The following EGFLAM variants were observed in gnomAD, a reference collection of about 807,000 sequenced individuals.
EGFLAM encodes the protein EGF like, fibronectin type III and laminin G domains, also known as pikachurin.
A neutral mutation model predicts 113.1 loss-of-function variants in EGFLAM; 79 were observed. The observed-to-expected ratio is 0.70, with a 90% confidence interval of 0.58 to 0.84. The LOEUF (loss-of-function observed/expected upper bound fraction) is 0.84. Ranked by LOEUF, EGFLAM falls within the 40% of genes least tolerant of loss-of-function variation. The pLI, the probability that EGFLAM is intolerant of heterozygous loss-of-function variation, is 0.00. For missense variants in EGFLAM, 1,265 were observed against 1,291.6 expected, an observed-to-expected ratio of 0.98 and a Z score of 0.32; for synonymous variants, 504 against 487.6, an observed-to-expected ratio of 1.03 and a Z score of -0.44.
At chr5:38,368,571 C>G (rs1740125917) in intron 5 of EGFLAM, among the ~76,000 whole-genome samples, 1 of 152,178 alleles carries the variant, frequency 6.6e-6, no homozygotes, top group African/African-American at 2.4e-5. Context: ...ATTTCCTTGC[C>G]TGGTAAGTTG....
intron 6 of EGFLAM, among the ~76,000 whole-genome samples, chr5:38,396,529 T>TACTC (rs1471576064): frequency 1.3e-5 from 2 of 152,258 alleles, no homozygotes; most frequent in Admixed American, 1.3e-4. Flanking sequence ...CTCACTCATT[T>TACTC]ACTCACTCAC....
At chr5:38,280,520 T>G (rs890863908) in intron 1 of EGFLAM, among the ~76,000 whole-genome samples, 1 of 152,146 alleles carries the variant, frequency 6.6e-6, no homozygotes, top group Admixed American at 6.5e-5. Context: ...CCTCTCTCCT[T>G]TAGTACAGCT....
chr5:38,355,035 T>C (rs1739730555), intron 5 of EGFLAM, among the ~76,000 whole-genome samples: 1 of 152,092 alleles, frequency 6.6e-6, no homozygotes, highest in Admixed American at 6.6e-5. Context: ...CCTCTCATAG[T>C]GTGGGGTCCC....
At chr5:38,260,235 ATCACGATCAATTGCATT>A (rs1757465705) in intron 1 of EGFLAM, among the ~76,000 whole-genome samples, 1 of 152,230 alleles carries the variant, frequency 6.6e-6, no homozygotes, top group African/African-American at 2.4e-5. Context: ...AGATAACCAC[ATCACGATCAATTGCATT>A]TTGCAGATTT....
intron 3 of EGFLAM, chr5:38,345,943 T>C (rs1441501002): frequency 6.6e-6 from 1 of 152,198 alleles, no homozygotes. Context: ...AGAGGAGAGA[T>C]GTCAGGGGAG....
At position 38,406,931 on chromosome 5, in the gene EGFLAM, C is replaced by T; in HGVS notation, c.932C>T (p.Pro311Leu). The T allele has an allele frequency of 6.2e-7, 1 of 1,614,212 alleles. No homozygotes were observed. Among genetic ancestry groups the T allele is most frequent in the South Asian group, 1.1e-5 (1 of 91,090 alleles). ...AAGACCATTTCTAGGCTCATCCCCC[C>T]TACCTCAGCATCTCTCCCTGTGACC... is the stretch of plus-strand genomic sequence containing the variant. ...NPKTISRLIPPTSASLPVTTV... is the reference protein window; with the variant it reads ...NPKTISRLIPLTSASLPVTTV... Residue 311 changes from proline (P) to leucine (L), a missense_variant, in exon 8 of 22, where the codon CCT becomes CTT. Transcript: ENST00000322350.
At chr5:38,308,049 T>C (rs1758772795) in intron 1 of EGFLAM, among the ~76,000 whole-genome samples, 1 of 152,250 alleles carries the variant, frequency 6.6e-6, no homozygotes. Context: ...TGGGAAAGAA[T>C]AGTTTCCCAG....
At chr5:38,348,082 T>C (rs1377906925) in intron 3 of EGFLAM, among the ~76,000 whole-genome samples, 1 of 151,644 alleles carries the variant, frequency 6.6e-6, no homozygotes, top group African/African-American at 2.4e-5. Context: ...AGGCAAGCAG[T>C]GAAGCTATGT....
chr5:38,400,668 T>C (rs190273006), intron 6 of EGFLAM, among the ~76,000 whole-genome samples: 2 of 152,316 alleles, frequency 1.3e-5, no homozygotes, highest in Non-Finnish European at 2.9e-5. Flanking sequence ...GTTCTCTCTG[T>C]GCTCATTTCC....
At position 38,258,693 on chromosome 5, in the gene EGFLAM, C is replaced by G; in HGVS notation, c.-62C>G. 1.9e-6 allele frequency: 3 copies of G among 1,547,536 alleles called. No individual in the cohort carries two copies. Among genetic ancestry groups the G allele is most frequent in the South Asian group, 1.2e-5 (1 of 85,244 alleles). ...TGGGGCCGCGTCCCCCACGCGCCCC[C>G]GGAGACGCCCTTTCCGTGTGCGCCC... On this transcript the variant is annotated 5_prime_UTR_variant, in exon 1 of 22. Coordinates refer to ENST00000322350, the MANE Select transcript of EGFLAM (RefSeq NM_152403.4).
Position 38,310,607 on chromosome 5 carries a change from T to C in EGFLAM, c.98-26913T>C, listed in dbSNP as rs367795855. Among the ~76,000 whole-genome samples, 223 of 152,242 alleles carry C rather than the reference T, an allele frequency of 1.5e-3. 5 individuals are homozygous for C. In the South Asian group the frequency reaches 0.044, roughly 30 times the overall value. On this transcript the variant is annotated intron_variant, in intron 1 of 21. Coordinates refer to ENST00000322350, the MANE Select transcript of EGFLAM (RefSeq NM_152403.4). ...GAATCTCTCTGATTGAGTGTTATGATTTAACTCCCAAAAAGAAAAAAAAAA... is the reference window on the plus strand; with the variant it reads ...GAATCTCTCTGATTGAGTGTTATGACTTAACTCCCAAAAAGAAAAAAAAAA...
intron 12 of EGFLAM, among the ~76,000 whole-genome samples, chr5:38,420,256 A>G (rs1010898865): frequency 6.6e-6 from 1 of 152,230 alleles, no homozygotes; most frequent in African/African-American, 2.4e-5. Context: ...TATAACTATA[A>G]AAGATGAAGT....
intron 6 of EGFLAM, 129 bp downstream of exon 6, chr5:38,370,591 T>C: frequency 1.6e-6 from 2 of 1,232,452 alleles, no homozygotes; most frequent in East Asian, 2.6e-5. Flanking sequence ...GCTTTCCTCC[T>C]GTGGTTTTCC....
At chr5:38,444,920 G>A (rs955739203) in intron 17 of EGFLAM, among the ~76,000 whole-genome samples, 10 of 152,156 alleles carry the variant, frequency 6.6e-5, no homozygotes, top group Non-Finnish European at 1.3e-4. Context: ...ACTCCAGCCT[G>A]GGCAACAGAG....
intron 6 of EGFLAM, chr5:38,402,187 G>A (rs1372021001): frequency 6.6e-6 from 1 of 152,164 alleles, no homozygotes; most frequent in East Asian, 1.9e-4. Context: ...ACAACTGGCA[G>A]GCCAGTTTGG....
intron 3 of EGFLAM, among the ~76,000 whole-genome samples, chr5:38,344,513 C>G (rs1009262556): frequency 6.7e-6 from 1 of 149,960 alleles, no homozygotes; most frequent in African/African-American, 2.5e-5. Flanking sequence ...AGAGTCTCAT[C>G]TTTTCTTGGG....
chr5:38,418,194 T>C lies in EGFLAM; in HGVS notation c.1623T>C (p.Asn541=). The change falls in exon 12 of 22, where the codon AAT becomes AAC. Residue 541 remains asparagine, a synonymous_variant. Transcript: ENST00000322350. ...FQGCVQSLAV[N]GRRIDMRPWP... ...GCTGTGTGCAGTCGCTCGCTGTGAA[T>C]GGGAGGAGAATTGACATGAGGCCCT... is the stretch of plus-strand genomic sequence containing the variant. The C allele has an allele frequency of 1.2e-6, 2 of 1,614,062 alleles. No homozygotes were observed. The highest frequency in any genetic ancestry group is 1.7e-6 in the Non-Finnish European group (2 of 1,179,996).
At chr5:38,312,431 G>A (rs1194302906) in intron 1 of EGFLAM, among the ~76,000 whole-genome samples, 4 of 151,938 alleles carry the variant, frequency 2.6e-5, no homozygotes, top group South Asian at 2.1e-4. Context: ...TTAGAGAGAC[G>A]GGGTTTCACC....
rs1235467880 is a variant in EGFLAM, at chr5:38,418,193, A to T, written c.1622A>T (p.Asn541Ile). Residue 541 changes from asparagine (N) to isoleucine (I), a missense_variant, in exon 12 of 22, where the codon AAT becomes ATT. Asn to Ile is a moderately radical substitution (Grantham distance 149). Transcript: ENST00000322350. ...GGCTGTGTGCAGTCGCTCGCTGTGA[A>T]TGGGAGGAGAATTGACATGAGGCCC... ...FQGCVQSLAVNGRRIDMRPWP... is the reference protein window; with the variant it reads ...FQGCVQSLAVIGRRIDMRPWP... 6.2e-7 allele frequency: 1 copy of T among 1,613,968 alleles called. No individual in the cohort carries two copies. The highest frequency in any genetic ancestry group is 8.5e-7 in the Non-Finnish European group (1 of 1,180,000).
Sources: allele counts gnomAD v4.1 joint callset (sites outside exome capture counted in the v4.1 genomes callset), GRCh38; gene constraint gnomAD v4.1.1; transcripts MANE v1.5; gene names NCBI Gene and HGNC (gene_info 2026-07-23, HGNC 2026-07-21).